Variants in STK32C observed in about 807,000 individuals in gnomAD.
The protein encoded by STK32C is serine/threonine-protein kinase 32C.
A neutral mutation model predicts 56.5 loss-of-function variants in STK32C; 31 were observed. That is an observed-to-expected ratio of 0.55 (90% CI 0.41 to 0.74). STK32C has a LOEUF of 0.74. Ranked by LOEUF, STK32C falls within the 30% of genes least tolerant of loss-of-function variation. STK32C has a pLI of 0.00. For missense variants in STK32C, 544 were observed against 676.9 expected (o/e 0.80, Z 2.18); for synonymous variants, 309 against 289.4 (o/e 1.07, Z -0.69).
chr10:132,227,104 G>C (rs1203388978), intron 3 of STK32C, 136 bp from the exon 4 acceptor site: 1 of 1,032,956 alleles, frequency 9.7e-7, no homozygotes, highest in Non-Finnish European at 1.4e-6. Flanking sequence ...AGGAGGAGGG[G>C]CCTGCCCAAG....
At chr10:132,301,031 C>T (rs369522609) in intron 1 of STK32C, among the ~76,000 whole-genome samples, 117 of 152,244 alleles carry the variant, frequency 7.7e-4, no homozygotes, top group African/African-American at 2.7e-3. Flanking sequence ...GCCTGGTCGT[C>T]CACTAACGTG....
Position 132,217,448 on chromosome 10 carries a change from T to C in STK32C, c.1251+5193A>G, listed in dbSNP as rs182061563. Among the ~76,000 whole-genome samples the C allele has an allele frequency of 1.2e-3, 178 of 152,318 alleles. 1 individual carries two copies. Among genetic ancestry groups the C allele is most frequent in the African/African-American group, 4.1e-3 (170 of 41,570 alleles). ...GACTTACCTTGTCTCAGATGAGACA[T>C]TGGACTGTGGACTTTTGAGTTAATG... On this transcript the variant is annotated intron_variant, in intron 10 of 11. Transcript: ENST00000298630.
chr10:132,209,434 C>A (rs955257894), intron 10 of STK32C: 3 of 516,630 alleles, frequency 5.8e-6, no homozygotes, highest in East Asian at 4.3e-5. Context: ...GGGCCTTTCC[C>A]GTCTCATACC....
At chr10:132,213,702 G>A (rs117979346) in intron 10 of STK32C, among the ~76,000 whole-genome samples, 4,817 of 152,290 alleles carry the variant, frequency 0.032, 164 homozygotes, top group Non-Finnish European at 0.041. Flanking sequence ...ACCCATGTTG[G>A]AATTATCAAA....
chr10:132,241,811 A>G (rs1321646272), intron 2 of STK32C, among the ~76,000 whole-genome samples: 3 of 152,292 alleles, frequency 2.0e-5, no homozygotes, highest in African/African-American at 7.2e-5. Flanking sequence ...GCCAACTTAA[A>G]AGTGCTGAAT....
At chr10:132,313,877 C>A (rs762205755) in intron 1 of STK32C, among the ~76,000 whole-genome samples, 13 of 152,214 alleles carry the variant, frequency 8.5e-5, no homozygotes, top group Non-Finnish European at 1.6e-4. Flanking sequence ...TGAAAGGCTG[C>A]TGAAATGGGG....
upstream of STK32C, chr10:132,332,074 C>T (rs1234093088): frequency 7.5e-6 from 2 of 266,036 alleles, no homozygotes; most frequent in South Asian, 1.0e-4. Context: ...CACACCCCCG[C>T]GCGCAGGCGC....
chr10:132,225,819 A>C (rs765326155), intron 4 of STK32C, 35 bp from the exon 5 acceptor site: 1 of 1,606,246 alleles, frequency 6.2e-7, no homozygotes, highest in East Asian at 2.2e-5. Flanking sequence ...GTGAGTTGGG[A>C]ATCTGCCCTG....
rs573318496 is a variant in STK32C, at chr10:132,228,036, G to A, written c.411C>T (p.Asn137=). Residue 137 remains asparagine (N), a synonymous_variant, in exon 3 of 12, where the codon AAC becomes AAT. Coordinates refer to ENST00000298630, the MANE Select transcript of STK32C (RefSeq NM_173575.4). Reference sequence around the variant, plus strand: ...GCAGGATCTCCAGCTCCCGGAAGACGTTGCGGACCTCGTCGCGCTCGATGC... The same window carrying A: ...GCAGGATCTCCAGCTCCCGGAAGACATTGCGGACCTCGTCGCGCTCGATGC... ...QQCIERDEVR[N]VFRELEILQE... 30 of 1,613,940 alleles carry A rather than the reference G, an allele frequency of 1.9e-5. No homozygotes were observed. Among genetic ancestry groups the A allele is most frequent in the East Asian group, 1.1e-4 (5 of 44,874 alleles).
intron 1 of STK32C, among the ~76,000 whole-genome samples, chr10:132,260,812 C>T (rs1390496906): frequency 6.6e-6 from 1 of 152,234 alleles, no homozygotes; most frequent in Non-Finnish European, 1.5e-5. Context: ...TTAAAGCCCA[C>T]GCCCAACACC....
intron 1 of STK32C, among the ~76,000 whole-genome samples, chr10:132,301,465 C>T (rs2065908468): frequency 6.6e-6 from 1 of 152,168 alleles, no homozygotes; most frequent in South Asian, 2.1e-4. Flanking sequence ...AGGGTCCTGC[C>T]TGACACAGCT....
intron 1 of STK32C, among the ~76,000 whole-genome samples, chr10:132,287,596 C>T (rs1292187010): frequency 1.3e-5 from 2 of 151,680 alleles, no homozygotes; most frequent in African/African-American, 2.4e-5. Flanking sequence ...GGATGACAGA[C>T]GTGCACCACC....
intron 3 of STK32C, 76 bp from the exon 4 acceptor site, chr10:132,227,044 T>TC: frequency 6.6e-7 from 1 of 1,526,044 alleles, no homozygotes; most frequent in Middle Eastern, 2.1e-4. Context: ...GCTGACACAC[T>TC]CCCCCTAAGG....
chr10:132,331,948 A>C (rs55737604), upstream of STK32C: 156,230 of 470,312 alleles, frequency 0.33, 24,770 homozygotes, highest in East Asian at 0.42. Context: ...CCCCCGCCCC[A>C]GCGCAGGCGC....
In STK32C at chr10:132,307,489, A is replaced by C. The variant is rs1388345503; in HGVS notation, c.262+83T>G. On this transcript the variant is annotated intron_variant, in intron 1 of 11. Transcript: ENST00000298630. This position sits in a 1 kb window ranked among gnomAD's most constrained non-coding sequence, Gnocchi z 4.4. ...GGAAGCCGTCCCGGACACCGGGGGA[A>C]CCCCTGCGGGAAAAAGCCGCCCAGC... 12 of 1,390,108 alleles carry C rather than the reference A, an allele frequency of 8.6e-6. No homozygotes were observed. Among genetic ancestry groups the C allele is most frequent in the East Asian group, 3.2e-5 (1 of 31,168 alleles). 86.1% of individuals were successfully genotyped at this position (1,390,108 alleles called of 1,614,324 possible).
upstream of STK32C, among the ~76,000 whole-genome samples, chr10:132,308,749 A>AG (rs1293275966): frequency 6.6e-6 from 1 of 152,168 alleles, no homozygotes; most frequent in Non-Finnish European, 1.5e-5. Context: ...CAGATGCGAC[A>AG]GGGGCCTCGG....
intron 1 of STK32C, among the ~76,000 whole-genome samples, chr10:132,279,682 A>T (rs1409264594): frequency 1.2e-4 from 18 of 149,266 alleles, no homozygotes; most frequent in Admixed American, 7.3e-4. Context: ...GCACTCCGTG[A>T]TCACGACACT....
At chr10:132,302,902 G>A (rs576020308) in intron 1 of STK32C, among the ~76,000 whole-genome samples, 1 of 152,094 alleles carries the variant, frequency 6.6e-6, no homozygotes, top group South Asian at 2.1e-4. Flanking sequence ...GGGGCCACTA[G>A]AGTCACTCCA....
At position 132,268,174 on chromosome 10, in the gene STK32C, C is replaced by T. The variant is rs1326983467; in HGVS notation, c.263-22219G>A. Reference sequence around the variant, plus strand: ...GTGTGTGTGTCGGTGTGTGTGCATGCATGTGTATGCAGGTTCAGCTCTATG... The same window carrying T: ...GTGTGTGTGTCGGTGTGTGTGCATGTATGTGTATGCAGGTTCAGCTCTATG... On this transcript the variant is annotated intron_variant, in intron 1 of 11. Transcript: ENST00000298630. Among the ~76,000 whole-genome samples, 3 of 129,512 alleles carry T rather than the reference C, an allele frequency of 2.3e-5. No individual in the cohort carries two copies. In the East Asian group the frequency reaches 7.2e-4, roughly 31 times the overall value. 85.0% of individuals were successfully genotyped at this position (129,512 alleles called of 152,430 possible).
Sources: gnomAD v4.1 joint callset for allele counts (sites outside exome capture counted in the v4.1 genomes callset) on GRCh38, gnomAD v4.1.1 for gene constraint, Gnocchi (gnomAD v3.1) non-coding constraint, MANE v1.5 for transcripts, NCBI Gene and HGNC (gene_info 2026-07-23, HGNC 2026-07-21) for gene names.